The following PARP4 variants were observed in gnomAD, a reference collection of about 807,000 sequenced individuals.
PARP4 encodes the protein protein mono-ADP-ribosyltransferase PARP4.
Under a neutral mutation model 187.7 loss-of-function variants are expected in PARP4, and 120 were observed. That is an observed-to-expected ratio of 0.64 (90% CI 0.55 to 0.74). PARP4 has a LOEUF of 0.74. Ranked by LOEUF, PARP4 falls within the 30% of genes least tolerant of loss-of-function variation. The pLI is 0.00. For synonymous variants in PARP4, 654 were observed against 740.9 expected, an observed-to-expected ratio of 0.88 and a Z score of 1.90; for missense variants, 1,836 against 2,070.5, an observed-to-expected ratio of 0.89 and a Z score of 2.20.
In PARP4 at chr13:24,501,717, T is replaced by C. The variant is rs768129207; in HGVS notation, c.250A>G (p.Lys84Glu). ...TAATTCTTTACATCCAAGAGTCTCT[T>C]TTCCCTGATAGATTTCCATATAAAA... Reference protein sequence around the residue: ...PDFIWKSIREKRLLDVKNYDP... With the variant: ...PDFIWKSIREERLLDVKNYDP... Residue 84 changes from lysine to glutamate, a missense_variant, in exon 3 of 34, where the codon AAG becomes GAG. Lys to Glu is a moderately conservative substitution (Grantham distance 56, BLOSUM62 1). Around this residue, in one of 8 missense-constraint regions of PARP4, gnomAD observed 1,147 missense variants for 1,214.2 expected, o/e 0.94. Transcript: ENST00000381989. The C allele has an allele frequency of 6.2e-7, 1 of 1,612,960 alleles. No individual in the cohort carries two copies. Among genetic ancestry groups the C allele is most frequent in the Non-Finnish European group, 8.5e-7 (1 of 1,178,954 alleles).
At chr13:24,482,095 G>C (rs1269756315) in intron 12 of PARP4, among the ~76,000 whole-genome samples, 3 of 152,216 alleles carry the variant, frequency 2.0e-5, no homozygotes, top group Non-Finnish European at 4.4e-5. Flanking sequence ...TCAAACTTCA[G>C]TGAAGAAAGT....
chr13:24,490,943 G>A (rs1416954210), intron 9 of PARP4, 115 bp from the exon 10 acceptor site: 3 of 963,564 alleles, frequency 3.1e-6, no homozygotes, highest in Non-Finnish European at 4.6e-6. Context: ...CCCAAAGCTT[G>A]TTTTACTTTA....
chr13:24,507,111 C>A (rs1412394891), intron 1 of PARP4, among the ~76,000 whole-genome samples: 1 of 152,212 alleles, frequency 6.6e-6, no homozygotes, highest in African/African-American at 2.4e-5. Flanking sequence ...GTGCGGGGAC[C>A]GCCCAGCCCA....
intron 4 of PARP4, 115 bp from the exon 5 acceptor site, chr13:24,499,491 A>C (rs910986938): frequency 5.8e-5 from 45 of 781,654 alleles, no homozygotes; most frequent in Non-Finnish European, 5.8e-6. Context: ...ATTCCTTACA[A>C]AACACATGGT....
chr13:24,452,298 G>A, intron 24 of PARP4, 108 bp downstream of exon 24: 1 of 878,802 alleles, frequency 1.1e-6, no homozygotes, highest in Non-Finnish European at 1.8e-6. Flanking sequence ...TATGCTGTAA[G>A]GCTTCTGTAT....
At chr13:24,511,157 G>C (rs1202481775) in intron 1 of PARP4, among the ~76,000 whole-genome samples, 2 of 152,170 alleles carry the variant, frequency 1.3e-5, no homozygotes, top group Non-Finnish European at 2.9e-5. Flanking sequence ...GGGAGGTATG[G>C]AAAGGCGCAC....
intron 9 of PARP4, 42 bp from the exon 10 acceptor site, chr13:24,490,870 A>G (rs1361577): frequency 0.34 from 498,265 of 1,487,182 alleles, 86,067 homozygotes; most frequent in South Asian, 0.44. Context: ...ATCACCACAT[A>G]TCAAAATTAA....
intron 17 of PARP4, among the ~76,000 whole-genome samples, chr13:24,468,811 TC>T (rs1872602786): frequency 1.3e-5 from 2 of 152,194 alleles, no homozygotes; most frequent in African/African-American, 4.8e-5. Flanking sequence ...GCCTAGCTCT[TC>T]TTGTTTGTCT....
intron 31 of PARP4, among the ~76,000 whole-genome samples, chr13:24,433,144 C>T (rs1203103686): frequency 1.3e-5 from 2 of 152,108 alleles, no homozygotes; most frequent in Non-Finnish European, 2.9e-5. Flanking sequence ...TTGCTTCTAG[C>T]CTTCCTAGGC....
intron 14 of PARP4, among the ~76,000 whole-genome samples, chr13:24,476,389 C>T (rs532342738): frequency 2.6e-5 from 4 of 152,242 alleles, no homozygotes; most frequent in Non-Finnish European, 4.4e-5. Context: ...GTGGCTGAAG[C>T]CTGAATCCAG....
intron 30 of PARP4, among the ~76,000 whole-genome samples, chr13:24,436,335 C>A (rs1165012785): frequency 6.6e-6 from 1 of 152,228 alleles, no homozygotes; most frequent in Non-Finnish European, 1.5e-5. Flanking sequence ...CAGGGTCTTG[C>A]TCTGTTGCCT....
intron 12 of PARP4, among the ~76,000 whole-genome samples, chr13:24,482,282 T>G (rs752567744): frequency 2.0e-5 from 3 of 152,248 alleles, no homozygotes; most frequent in Non-Finnish European, 4.4e-5. Flanking sequence ...TTGTGAACAC[T>G]GTTGAACTGA....
chr13:24,448,673 T>G (rs572786942), intron 25 of PARP4, among the ~76,000 whole-genome samples: 1 of 152,270 alleles, frequency 6.6e-6, no homozygotes, highest in Non-Finnish European at 1.5e-5. Flanking sequence ...ATACCAATGC[T>G]CATAGCAGCA....
intron 17 of PARP4, among the ~76,000 whole-genome samples, chr13:24,465,051 C>T (rs911165213): frequency 1.1e-4 from 17 of 152,184 alleles, no homozygotes; most frequent in African/African-American, 2.9e-4. Flanking sequence ...TAAACATCAC[C>T]GATCATTAGA....
chr13:24,459,931 A>C (rs199909556), intron 18 of PARP4, 41 bp downstream of exon 18: 2 of 1,581,230 alleles, frequency 1.3e-6, no homozygotes, highest in Non-Finnish European at 1.7e-6. Flanking sequence ...CTCCCCCTCC[A>C]CTGCTGCCAA....
In PARP4 at chr13:24,423,112, T is replaced by A. The variant is rs188286916; in HGVS notation, c.4980-1798A>T. ...ATAATTGGCAATGATCTAAATAGAA[T>A]AAATGCGTCTTTGGATGTGCCTATT... On this transcript the variant is annotated intron_variant, in intron 33 of 33. Coordinates refer to ENST00000381989, the MANE Select transcript of PARP4 (RefSeq NM_006437.4). 1.7e-3 allele frequency among the ~76,000 whole-genome samples: 260 copies of A among 152,362 alleles called. 1 individual carries two copies. The highest frequency in any genetic ancestry group is 5.9e-3 in the African/African-American group (246 of 41,580).
In PARP4 at chr13:24,434,918, G is replaced by A; in HGVS notation, c.4223C>T (p.Ser1408Phe). The A allele has an allele frequency of 1.9e-6, 3 of 1,614,150 alleles. No individual in the cohort carries two copies. Among genetic ancestry groups the A allele is most frequent in the Non-Finnish European group, 2.5e-6 (3 of 1,180,028 alleles). ...ATGTTGCAGTGGAGCAGACTGTGCA[G>A]AGCTTAATGAGCTCCCTGAAAAAAC... ...GIVFSGSSLS[S>F]AQSAPLQHPG... Residue 1408 changes from serine (S) to phenylalanine (F), a missense_variant, in exon 31 of 34, where the codon TCT (serine) becomes TTT (phenylalanine). Around this residue, in one of 8 missense-constraint regions of PARP4, gnomAD observed 450 missense variants for 439.2 expected, o/e 1.02. Transcript: ENST00000381989.
Position 24,435,204 on chromosome 13 carries a change from A to T in PARP4, c.3937T>A (p.Ser1313Thr), listed in dbSNP as rs1870563182. The T allele has an allele frequency of 1.2e-6, 2 of 1,614,040 alleles. No individual in the cohort carries two copies. The highest frequency in any genetic ancestry group is 1.7e-6 in the Non-Finnish European group (2 of 1,180,038). Residue 1313 changes from serine (S) to threonine (T), a missense_variant, in exon 31 of 34, where the codon TCT becomes ACT. By Grantham distance (58) the Ser-to-Thr change is moderately conservative. Transcript: ENST00000381989. ...GGAGCCAAAATAGGAAAAAAGCTAG[A>T]AGTAGATGTTTCCCATGGACTGACT... ...KKVSPWETST[S>T]SFFPILAPAV...
intron 32 of PARP4, 95 bp from the exon 33 acceptor site, chr13:24,426,693 A>C: frequency 9.1e-7 from 1 of 1,097,934 alleles, no homozygotes. Flanking sequence ...ACAATACGCC[A>C]TCTGGCTAAC....
Sources: allele counts gnomAD v4.1 joint callset (sites outside exome capture counted in the v4.1 genomes callset), GRCh38; gene constraint gnomAD v4.1.1; regional missense constraint gnomAD v4.1.1; transcripts MANE v1.5; gene names NCBI Gene and HGNC (gene_info 2026-07-23, HGNC 2026-07-21).